SLC35F1: variants seen among roughly 807,000 people sequenced by gnomAD.
The protein encoded by SLC35F1 is solute carrier family 35 member F1.
Under a neutral mutation model 48.7 loss-of-function variants are expected in SLC35F1, and 14 were observed. That is an observed-to-expected ratio of 0.29 (90% CI 0.19 to 0.45). The LOEUF (loss-of-function observed/expected upper bound fraction) is 0.45, where lower values mean the gene tolerates loss of function less well. Among genes scored for constraint, SLC35F1 ranks in the 20% least tolerant of loss-of-function variants. The probability of loss-of-function intolerance (pLI) is 1.00; values close to 1 mark genes in which losing one functional copy is unlikely to be tolerated. For synonymous variants in SLC35F1, 190 were observed against 202.2 expected (o/e 0.94, Z 0.51); for missense variants, 404 against 500.0 (o/e 0.81, Z 1.83).
chr6:118,258,222 A>G (rs191272454), intron 3 of SLC35F1, among the ~76,000 whole-genome samples: 207 of 152,272 alleles, frequency 1.4e-3, no homozygotes, highest in African/African-American at 4.7e-3. Context: ...CAACTCAGAA[A>G]AGCTAACAGT....
chr6:118,181,665 A>G (rs1284476782), intron 2 of SLC35F1, among the ~76,000 whole-genome samples: 1 of 152,166 alleles, frequency 6.6e-6, no homozygotes, highest in African/African-American at 2.4e-5. Flanking sequence ...AGCAGCATAA[A>G]TTTTTAATAT....
chr6:117,923,682 T>TGTACAC lies in SLC35F1; in HGVS notation c.173+15783_173+15784insGTACAC, dbSNP rs1223367707. The stretch of plus-strand genomic sequence containing the variant: ...ATGTATATATACATATATGTACATA[T>TGTACAC]ATACATATGTACATATACATATATG... On this transcript the variant is annotated intron_variant, in intron 1 of 7. Coordinates refer to ENST00000360388, the MANE Select transcript of SLC35F1 (RefSeq NM_001029858.4). Among the ~76,000 whole-genome samples the TGTACAC allele has an allele frequency of 4.0e-5, 4 of 99,398 alleles. 1 individual carries two copies. Among genetic ancestry groups the TGTACAC allele is most frequent in the Non-Finnish European group, 8.6e-5 (4 of 46,696 alleles). The allele number at this position is 99,398 out of a possible 152,430, so 65.2% of individuals were successfully genotyped here.
intron 1 of SLC35F1, among the ~76,000 whole-genome samples, chr6:118,083,443 A>G (rs1261331613): frequency 6.6e-6 from 1 of 152,174 alleles, no homozygotes; most frequent in Non-Finnish European, 1.5e-5. Flanking sequence ...GCTTCCCAAA[A>G]CCTGTTTAGT....
At chr6:118,167,398 T>C (rs1450978651) in intron 2 of SLC35F1, among the ~76,000 whole-genome samples, 1 of 152,166 alleles carries the variant, frequency 6.6e-6, no homozygotes, top group Non-Finnish European at 1.5e-5. Context: ...CAAACCTAGA[T>C]GTTATAGCCT....
chr6:117,930,837 T>G (rs1406185733), intron 1 of SLC35F1, among the ~76,000 whole-genome samples: 1 of 152,192 alleles, frequency 6.6e-6, no homozygotes, highest in Non-Finnish European at 1.5e-5. Context: ...TTAATGAATC[T>G]GAGTCATTGT....
intron 1 of SLC35F1, among the ~76,000 whole-genome samples, chr6:118,017,239 G>T (rs926399357): frequency 6.6e-6 from 1 of 152,196 alleles, no homozygotes; most frequent in Non-Finnish European, 1.5e-5. Flanking sequence ...CCCGATCCTA[G>T]AGTAAACCTG....
In SLC35F1 at chr6:118,138,971, A is replaced by AACACAC. The variant is rs58109876; in HGVS notation, c.174-15455_174-15450dup. ...AGCCCCTCCCTTGTTTTTCAGCAGA[A>AACACAC]ACACACACACACACACACACACACT... On this transcript the variant is annotated intron_variant, in intron 1 of 7. Transcript: ENST00000360388. 5.7e-3 allele frequency among the ~76,000 whole-genome samples: 860 copies of AACACAC among 150,080 alleles called. 4 individuals carry two copies. The highest frequency in any genetic ancestry group is 7.1e-3 in the Non-Finnish European group (479 of 67,414).
intron 1 of SLC35F1, among the ~76,000 whole-genome samples, chr6:118,068,921 A>C (rs1014728270): frequency 1.3e-5 from 2 of 152,166 alleles, no homozygotes; most frequent in Non-Finnish European, 2.9e-5. Context: ...TCACTATTTT[A>C]AGTTTAAAAG....
chr6:118,002,924 A>G (rs532331446), intron 1 of SLC35F1, among the ~76,000 whole-genome samples: 1 of 152,188 alleles, frequency 6.6e-6, no homozygotes, highest in Non-Finnish European at 1.5e-5. Flanking sequence ...TTTCAGTTAT[A>G]TGTGCATTCT....
intron 1 of SLC35F1, among the ~76,000 whole-genome samples, chr6:118,074,658 C>A (rs1384163688): frequency 6.6e-6 from 1 of 152,092 alleles, no homozygotes; most frequent in Non-Finnish European, 1.5e-5. Flanking sequence ...GTAGATTTTT[C>A]TTTTCTTTTT....
At chr6:118,047,015 G>GT (rs1322803955) in intron 1 of SLC35F1, among the ~76,000 whole-genome samples, 3 of 152,112 alleles carry the variant, frequency 2.0e-5, no homozygotes, top group South Asian at 4.1e-4. Flanking sequence ...GCTCTGAAAT[G>GT]TTTTTCTAAG....
chr6:118,281,175 A>ACT lies in SLC35F1; in HGVS notation c.847+3658_847+3659dup, dbSNP rs745677823. On this transcript the variant is annotated intron_variant, in intron 6 of 7. Transcript: ENST00000360388. ...ACACATACTTTATATATATATAGTA[A>ACT]CTCTCTCTCTCTCTCTCTCTCTCTC... 5.0e-3 allele frequency among the ~76,000 whole-genome samples: 683 copies of ACT among 137,680 alleles called. 4 individuals carry two copies. The highest frequency in any genetic ancestry group is 9.7e-3 in the South Asian group (40 of 4,108). The allele number at this position is 137,680 out of a possible 152,430, so 90.3% of individuals were successfully genotyped here.
intron 1 of SLC35F1, among the ~76,000 whole-genome samples, chr6:117,994,933 A>G (rs1467397350): frequency 5.3e-5 from 8 of 152,228 alleles, no homozygotes; most frequent in African/African-American, 1.9e-4. Flanking sequence ...GTAAATGCCA[A>G]TGCCTTATCA....
At chr6:118,174,948 TA>T (rs1430179477) in intron 2 of SLC35F1, among the ~76,000 whole-genome samples, 1 of 151,962 alleles carries the variant, frequency 6.6e-6, no homozygotes, top group African/African-American at 2.4e-5. Flanking sequence ...AAGTACTCTT[TA>T]AAAGTGAAGA....
chr6:118,125,378 G>A (rs764625979), intron 1 of SLC35F1, among the ~76,000 whole-genome samples: 2 of 52,338 alleles, frequency 3.8e-5, no homozygotes, highest in Admixed American at 1.9e-4. Context: ...TGGTATTTTG[G>A]GGGGGGGGAT....
intron 3 of SLC35F1, among the ~76,000 whole-genome samples, chr6:118,241,891 A>G (rs1054562355): frequency 1.2e-4 from 18 of 152,126 alleles, no homozygotes; most frequent in Non-Finnish European, 2.5e-4. Flanking sequence ...AAATTGTTTC[A>G]TGTATCAATA....
chr6:118,136,630 G>A (rs1391001188), intron 1 of SLC35F1, among the ~76,000 whole-genome samples: 1 of 152,108 alleles, frequency 6.6e-6, no homozygotes, highest in East Asian at 1.9e-4. Context: ...CAGCTCAGCA[G>A]TCTTTCTCTA....
At chr6:117,999,306 G>A (rs9401042) in intron 1 of SLC35F1, 647,873 of 1,591,748 alleles carry the variant, frequency 0.41, 133,958 homozygotes, top group East Asian at 0.52. Flanking sequence ...GCTCTTGCCC[G>A]TATTGCCAAG....
chr6:118,086,458 G>A lies in SLC35F1; in HGVS notation c.174-67987G>A, dbSNP rs562158790. Among the ~76,000 whole-genome samples the A allele has an allele frequency of 2.0e-5, 3 of 152,298 alleles. No individual in the cohort carries two copies. In the South Asian group the frequency reaches 6.2e-4, roughly 32 times the overall value. On this transcript the variant is annotated intron_variant, in intron 1 of 7. Transcript: ENST00000360388. ...TCAGAGCAGCCATGTGCTCTCTTTT[G>A]TTATCCTTCACCTCCCTCAAATGTC... is the stretch of plus-strand genomic sequence containing the variant.
Sources: gnomAD v4.1 joint callset for allele counts (sites outside exome capture counted in the v4.1 genomes callset) on GRCh38, gnomAD v4.1.1 for gene constraint, MANE v1.5 for transcripts, NCBI Gene and HGNC (gene_info 2026-07-23, HGNC 2026-07-21) for gene names.